The following IFT74 variants were observed in gnomAD, a reference collection of about 807,000 sequenced individuals.
IFT74 encodes the protein intraflagellar transport 74.
In IFT74, 92 loss-of-function variants were observed where a neutral mutation model predicts 96.7. The ratio of observed to expected loss-of-function variants is 0.95; its 90% CI spans 0.80 to 1.13. The LOEUF (loss-of-function observed/expected upper bound fraction) is 1.13, where lower values mean the gene tolerates loss of function less well. Ranked by LOEUF, IFT74 falls within the 50% of genes most tolerant of loss-of-function variation. IFT74 has a pLI of 0.00. For synonymous variants in IFT74, 223 were observed against 213.2 expected (o/e 1.05, Z -0.40); for missense variants, 811 against 698.2 (o/e 1.16, Z -1.82).
At chr9:26,993,233 A>G (rs1027027255) in intron 8 of IFT74, 1 of 152,138 alleles carries the variant, frequency 6.6e-6, no homozygotes, top group Non-Finnish European at 1.5e-5. Context: ...GCTCATTTGC[A>G]ATTATATTTC....
chr9:27,022,850 C>T (rs1404940052), intron 12 of IFT74, among the ~76,000 whole-genome samples: 1 of 152,042 alleles, frequency 6.6e-6, no homozygotes, highest in Non-Finnish European at 1.5e-5. Flanking sequence ...ACTGTGTTAG[C>T]CAGGATGGTC....
chr9:26,957,276 T>C (rs1826154819), intron 1 of IFT74, among the ~76,000 whole-genome samples: 2 of 152,158 alleles, frequency 1.3e-5, no homozygotes. Context: ...CAAAGAAAAT[T>C]GGGTGAAATT....
At chr9:26,959,573 G>C (rs1002903713) in intron 1 of IFT74, among the ~76,000 whole-genome samples, 6 of 152,190 alleles carry the variant, frequency 3.9e-5, no homozygotes, top group African/African-American at 1.4e-4. Context: ...ATTGGTAGCA[G>C]TGAGGTTAAT....
rs191127573 is a variant in IFT74 at position 27,064,203 on chromosome 9, C to G, written c.*1467C>G. ...TAGACTTTGTACACCAAATAGACTTCATACACTAAAATAATTTCATCTACT... is the reference window on the plus strand; with the variant it reads ...TAGACTTTGTACACCAAATAGACTTGATACACTAAAATAATTTCATCTACT... On this transcript the variant is annotated 3_prime_UTR_variant, in exon 20 of 20. Transcript: ENST00000380062. Among the ~76,000 whole-genome samples, 3 of 152,194 alleles carry G rather than the reference C, an allele frequency of 2.0e-5. No individual in the cohort carries two copies. The highest frequency in any genetic ancestry group is 2.0e-4 in the Admixed American group (3 of 15,280).
chr9:26,986,043 G>GA (rs1303869575), intron 6 of IFT74, among the ~76,000 whole-genome samples: 1 of 152,140 alleles, frequency 6.6e-6, no homozygotes, highest in Non-Finnish European at 1.5e-5. Flanking sequence ...TCTAGTGTCA[G>GA]AATTTTCTTT....
chr9:26,949,824 G>C (rs62546685), intron 1 of IFT74, among the ~76,000 whole-genome samples: 9,607 of 152,242 alleles, frequency 0.063, 360 homozygotes, highest in Middle Eastern at 0.15. Context: ...GTGAACCTGA[G>C]TCATTTCTGA....
intron 10 of IFT74, 63 bp from the exon 11 acceptor site, chr9:27,016,844 C>A: frequency 7.5e-7 from 1 of 1,324,642 alleles, no homozygotes; most frequent in Non-Finnish European, 1.0e-6. Context: ...TAAACTGAAA[C>A]CTATTTTAGA....
At position 27,005,355 on chromosome 9, in the gene IFT74, C is replaced by A. The variant is rs796641024; in HGVS notation, c.588-3665C>A. Among the ~76,000 whole-genome samples the A allele has an allele frequency of 2.2e-3, 90 of 40,956 alleles. 2 individuals carry two copies. The highest frequency in any genetic ancestry group is 3.3e-3 in the African/African-American group (33 of 9,932). The allele number at this position is 40,956 out of a possible 152,430, so 26.9% of individuals were successfully genotyped here. ...TGATTGGCTAGATGAAACCATTTCC[C>A]CCCCCGCCCCCCGCAAAACAATTAC... On this transcript the variant is annotated intron_variant, in intron 8 of 19. Transcript: ENST00000380062.
chr9:27,041,034 A>G (rs1242907057), intron 13 of IFT74, among the ~76,000 whole-genome samples: 4 of 152,196 alleles, frequency 2.6e-5, no homozygotes, highest in Admixed American at 6.5e-5. Flanking sequence ...AGCAGAGACT[A>G]TAAAAAAGCA....
chr9:26,960,590 C>T (rs1826312324), intron 1 of IFT74, among the ~76,000 whole-genome samples: 2 of 152,074 alleles, frequency 1.3e-5, no homozygotes, highest in South Asian at 4.1e-4. Flanking sequence ...AAAACTACTA[C>T]TCTAAATTAT....
rs542225292 is a variant in IFT74 at position 27,000,976 on chromosome 9, C to G, written c.588-8044C>G. On this transcript the variant is annotated intron_variant, in intron 8 of 19. Transcript: ENST00000380062. The stretch of plus-strand genomic sequence containing the variant: ...CCTCCCTCCCTACCACCCTTTCCAG[C>G]CTCTGGTAACCACTAGTCTACTCTT... Among the ~76,000 whole-genome samples the G allele has an allele frequency of 9.9e-5, 15 of 152,266 alleles. No individual in the cohort carries two copies. The South Asian group carries it at 3.1e-3, about 32-fold the overall frequency.
chr9:26,959,452 T>C (rs1443918221), intron 1 of IFT74, among the ~76,000 whole-genome samples: 1 of 152,188 alleles, frequency 6.6e-6, no homozygotes, highest in Non-Finnish European at 1.5e-5. Context: ...AAGGGAAGGA[T>C]GTATGGGACA....
chr9:27,060,961 C>CAAAAAAAAAAAAAAAAAAAAA (rs752655360), intron 19 of IFT74: 1 of 37,984 alleles, frequency 2.6e-5, no homozygotes, highest in Non-Finnish European at 4.4e-5. Flanking sequence ...GACTCCATCT[C>CAAAAAAAAAAAAAAAAAAAAA]AAAAAAAAAA....
At chr9:27,019,974 T>TG (rs1829519384) in intron 12 of IFT74, among the ~76,000 whole-genome samples, 1 of 151,582 alleles carries the variant, frequency 6.6e-6, no homozygotes, top group Admixed American at 6.6e-5. Context: ...TGTTTTAATT[T>TG]AATTTTTTTT....
At chr9:26,980,685 A>G (rs1336339169) in intron 4 of IFT74, 66 bp downstream of exon 4, 20 of 1,021,924 alleles carry the variant, frequency 2.0e-5, no homozygotes, top group Non-Finnish European at 3.0e-5. Flanking sequence ...CTGTCAAAAT[A>G]GAGTATATAA....
chr9:27,004,504 C>T (rs1412392699), intron 8 of IFT74, among the ~76,000 whole-genome samples: 1 of 152,176 alleles, frequency 6.6e-6, no homozygotes, highest in Non-Finnish European at 1.5e-5. Flanking sequence ...TATCATGACA[C>T]TGAGTAAGTC....
At position 26,978,155 on chromosome 9, in the gene IFT74, T is replaced by G; in HGVS notation, c.148T>G (p.Ser50Ala). 6.2e-7 allele frequency: 1 copy of G among 1,608,422 alleles called. No homozygotes were observed. Among genetic ancestry groups the G allele is most frequent in the Non-Finnish European group, 8.5e-7 (1 of 1,179,100 alleles). ...AMPPGTARPGSRGCPIGTGGV... is the reference protein window; with the variant it reads ...AMPPGTARPGARGCPIGTGGV... The stretch of plus-strand genomic sequence containing the variant: ...GCCACCTGGGACAGCAAGACCAGGT[T>G]CTCGTGGTTGTCCCATAGGGACTGG... Residue 50 changes from serine (S) to alanine (A), a missense_variant, in exon 3 of 20, where the codon TCT becomes GCT. Coordinates refer to ENST00000380062, the MANE Select transcript of IFT74 (RefSeq NM_025103.4).
At chr9:27,040,663 G>T (rs1819439066) in intron 13 of IFT74, among the ~76,000 whole-genome samples, 1 of 150,776 alleles carries the variant, frequency 6.6e-6, no homozygotes, top group Admixed American at 6.6e-5. Flanking sequence ...GTTTTTTCTT[G>T]CCCCGTCTCC....
chr9:27,052,464 C>T (rs901986102), intron 16 of IFT74, among the ~76,000 whole-genome samples: 14 of 146,070 alleles, frequency 9.6e-5, no homozygotes, highest in East Asian at 4.1e-4. Flanking sequence ...GCCGAGATCG[C>T]GCCATTGCAC....
Sources: gnomAD v4.1 joint callset for allele counts (sites outside exome capture counted in the v4.1 genomes callset) on GRCh38, gnomAD v4.1.1 for gene constraint, MANE v1.5 for transcripts, NCBI Gene and HGNC (gene_info 2026-07-23, HGNC 2026-07-21) for gene names.